The following CTTNBP2 variants were observed in gnomAD, a reference collection of about 807,000 sequenced individuals.
CTTNBP2 encodes the protein cortactin-binding protein 2.
CTTNBP2 carries 108 observed loss-of-function variants against 156.9 expected under a neutral mutation model. The observed-to-expected ratio is 0.69, with a 90% CI of 0.59 to 0.81. The LOEUF (loss-of-function observed/expected upper bound fraction) is 0.81, where lower values mean the gene tolerates loss of function less well. Ranked by LOEUF, CTTNBP2 falls within the 30% of genes least tolerant of loss-of-function variation. The probability of loss-of-function intolerance (pLI) is 0.00; values close to 1 mark genes in which losing one functional copy is unlikely to be tolerated. For missense variants in CTTNBP2, 1,924 were observed against 2,035.4 expected, an observed-to-expected ratio of 0.95 and a Z score of 1.05; for synonymous variants, 767 against 751.8, an observed-to-expected ratio of 1.02 and a Z score of -0.33.
chr7:117,770,364 C>T (rs1797736291), intron 8 of CTTNBP2, among the ~76,000 whole-genome samples: 1 of 152,126 alleles, frequency 6.6e-6, no homozygotes, highest in Non-Finnish European at 1.5e-5. Context: ...ATGTCAGTCC[C>T]CAGGAGAGTA....
intron 2 of CTTNBP2, among the ~76,000 whole-genome samples, chr7:117,827,656 A>T (rs1340827450): frequency 6.6e-6 from 1 of 152,178 alleles, no homozygotes; most frequent in Non-Finnish European, 1.5e-5. Flanking sequence ...ATGCTTACTT[A>T]TATGTGACTT....
At chr7:117,762,602 T>G (rs550001593) in intron 9 of CTTNBP2, among the ~76,000 whole-genome samples, 2 of 152,332 alleles carry the variant, frequency 1.3e-5, no homozygotes, top group African/African-American at 4.8e-5. Context: ...ACCATATGCA[T>G]GTACTAACAG....
At chr7:117,808,688 T>A (rs1194554680) in intron 3 of CTTNBP2, among the ~76,000 whole-genome samples, 1 of 152,244 alleles carries the variant, frequency 6.6e-6, no homozygotes, top group African/African-American at 2.4e-5. Context: ...TTTAAAGAAC[T>A]GAACTCATTT....
chr7:117,792,841 A>G lies in CTTNBP2; in HGVS notation c.415-60T>C. ...TACAGAATTTTCTTTTCACCAAGGA[A>G]ATGCTTTTTGTGAGATTTTTATTAA... On this transcript the variant is annotated intron_variant, in intron 3 of 22. Transcript: ENST00000160373. The surrounding 1 kb of genome is among the most constrained non-coding windows in gnomAD (Gnocchi z 4.2). The G allele has an allele frequency of 4.1e-6, 5 of 1,219,058 alleles. No individual in the cohort carries two copies. Among genetic ancestry groups the G allele is most frequent in the Non-Finnish European group, 5.5e-6 (5 of 915,636 alleles). 75.5% of individuals were successfully genotyped at this position (1,219,058 alleles called of 1,614,324 possible).
At chr7:117,746,473 T>C (rs1796337759) in intron 12 of CTTNBP2, among the ~76,000 whole-genome samples, 1 of 152,246 alleles carries the variant, frequency 6.6e-6, no homozygotes, top group Non-Finnish European at 1.5e-5. Flanking sequence ...AATGCTTATT[T>C]AGCTTGTTCG....
Position 117,810,813 on chromosome 7 carries a change from T to C in CTTNBP2, c.366A>G (p.Gln122=), listed in dbSNP as rs1406902618. 1 of 1,613,830 alleles carries C rather than the reference T, an allele frequency of 6.2e-7. No homozygotes were observed. The highest frequency in any genetic ancestry group is 8.5e-7 in the Non-Finnish European group (1 of 1,180,004). Residue 122 remains glutamine (Q), a synonymous_variant, in exon 3 of 23, where the codon CAA becomes CAG. Coordinates refer to ENST00000160373, the MANE Select transcript of CTTNBP2 (RefSeq NM_033427.3). ...CAGCCAGCTGTGCGGACATCCTTTC[T>C]TGCATTTTCTTGCAGTGGGCCATGA... ...EAVMAHCKKM[Q]ERMSAQLAAA...
chr7:117,780,324 C>T (rs991816186), intron 7 of CTTNBP2, 117 bp downstream of exon 7: 1 of 669,790 alleles, frequency 1.5e-6, no homozygotes, highest in Non-Finnish European at 2.3e-6. Context: ...CCAAATCCTA[C>T]AAGCAAAACA....
At chr7:117,852,525 T>C (rs987632247) in intron 2 of CTTNBP2, among the ~76,000 whole-genome samples, 2 of 152,298 alleles carry the variant, frequency 1.3e-5, no homozygotes, top group East Asian at 3.9e-4. Context: ...TCTCTCATCC[T>C]ATTAGAATCA....
intron 3 of CTTNBP2, among the ~76,000 whole-genome samples, chr7:117,797,649 T>C (rs1025859001): frequency 1.4e-4 from 21 of 152,106 alleles, no homozygotes; most frequent in Non-Finnish European, 2.5e-4. Flanking sequence ...AAGTGTAATA[T>C]CTAAACTGAC....
At chr7:117,841,022 T>C (rs1245434398) in intron 2 of CTTNBP2, among the ~76,000 whole-genome samples, 2 of 152,214 alleles carry the variant, frequency 1.3e-5, no homozygotes, top group Non-Finnish European at 2.9e-5. Context: ...AACTGAGAAA[T>C]TTTAAATAAA....
At chr7:117,742,035 G>C (rs1000525380) in intron 14 of CTTNBP2, among the ~76,000 whole-genome samples, 1 of 152,174 alleles carries the variant, frequency 6.6e-6, no homozygotes, top group African/African-American at 2.4e-5. Context: ...TACCCTCGTT[G>C]CCTTGACATA....
intron 1 of CTTNBP2, among the ~76,000 whole-genome samples, chr7:117,869,328 G>C (rs1191920754): frequency 3.3e-5 from 5 of 152,118 alleles, no homozygotes. Context: ...AACACACAAA[G>C]TGAGTTTTCT....
At chr7:117,783,493 G>A (rs1444555062) in intron 5 of CTTNBP2, among the ~76,000 whole-genome samples, 1 of 152,040 alleles carries the variant, frequency 6.6e-6, no homozygotes. Flanking sequence ...CCTAACTCAG[G>A]AATAAATATC....
intron 2 of CTTNBP2, among the ~76,000 whole-genome samples, chr7:117,822,638 A>T (rs955500107): frequency 5.9e-5 from 9 of 152,290 alleles, no homozygotes; most frequent in Middle Eastern, 3.4e-3. Context: ...TGATATATAT[A>T]TTTTTAAATC....
chr7:117,755,541 G>A (rs923154523), intron 12 of CTTNBP2: 3 of 470,210 alleles, frequency 6.4e-6, no homozygotes, highest in African/African-American at 6.0e-5. Context: ...GCATGACTTT[G>A]AGCATTTTAC....
chr7:117,797,730 T>C (rs1799396620), intron 3 of CTTNBP2, among the ~76,000 whole-genome samples: 1 of 151,884 alleles, frequency 6.6e-6, no homozygotes, highest in African/African-American at 2.4e-5. Context: ...AATTTGAAAA[T>C]AAAGCAAAAG....
intron 1 of CTTNBP2, among the ~76,000 whole-genome samples, chr7:117,872,464 G>A (rs553766947): frequency 6.6e-6 from 1 of 152,248 alleles, no homozygotes; most frequent in African/African-American, 2.4e-5. Flanking sequence ...CCCAAACACC[G>A]AGAACCTTTT....
At chr7:117,798,425 C>A (rs774763671) in intron 3 of CTTNBP2, among the ~76,000 whole-genome samples, 2 of 152,024 alleles carry the variant, frequency 1.3e-5, no homozygotes, top group East Asian at 1.9e-4. Context: ...GGAAATAAAT[C>A]ATAAGATATT....
intron 2 of CTTNBP2, among the ~76,000 whole-genome samples, chr7:117,859,503 TATATATATATATCTA>T (rs1246819255): frequency 6.6e-6 from 1 of 151,718 alleles, no homozygotes; most frequent in Non-Finnish European, 1.5e-5. Flanking sequence ...GACCAAAAAA[TATATATATATATCTA>T]AGGCACAGCT....
Sources: allele counts gnomAD v4.1 joint callset (sites outside exome capture counted in the v4.1 genomes callset), GRCh38; gene constraint gnomAD v4.1.1; non-coding constraint Gnocchi (gnomAD v3.1); transcripts MANE v1.5; gene names NCBI Gene and HGNC (gene_info 2026-07-23, HGNC 2026-07-21).